Variants in ADAMTSL2 observed in about 807,000 individuals in gnomAD.
ADAMTSL2 encodes the protein ADAMTS like 2.
ADAMTSL2 carries 55 observed loss-of-function variants against 117.0 expected under a neutral mutation model. The observed-to-expected ratio is 0.47, with a 90% CI of 0.38 to 0.59. The LOEUF (loss-of-function observed/expected upper bound fraction) is 0.59, where lower values mean the gene tolerates loss of function less well. Ranked by LOEUF, ADAMTSL2 falls within the 20% of genes least tolerant of loss-of-function variation. ADAMTSL2 has a pLI of 0.00. For missense variants in ADAMTSL2, 1,182 were observed against 1,354.5 expected (o/e 0.87, Z 2.00); for synonymous variants, 572 against 566.4 (o/e 1.01, Z -0.14).
Position 133,534,936 on chromosome 9 carries a change from G to C in ADAMTSL2, c.-151+19G>C, listed in dbSNP as rs755830361. The C allele has an allele frequency of 2.2e-6, 3 of 1,378,056 alleles. No individual in the cohort carries two copies. The highest frequency in any genetic ancestry group is 2.8e-6 in the Non-Finnish European group (3 of 1,061,020). 85.4% of individuals were successfully genotyped at this position (1,378,056 alleles called of 1,614,324 possible). A position where few individuals can be genotyped will look rare whatever the true frequency, so the allele number is the denominator to read the frequency against. ...AAGCCAGGTAGGCCACCTCGTCCCC[G>C]TCCCCCTCACGTTGCAGCGTCCACC... On this transcript the variant is annotated intron_variant, in intron 1 of 18. Transcript: ENST00000651351.
chr9:133,568,151 T>C (rs1831018363), intron 13 of ADAMTSL2, 122 bp from the exon 14 acceptor site: 1 of 1,001,818 alleles, frequency 1.0e-6, no homozygotes, highest in African/African-American at 1.6e-5. Context: ...TAGCTTGTTG[T>C]GTGCGGTTTT....
intron 12 of ADAMTSL2, among the ~76,000 whole-genome samples, chr9:133,563,828 A>AGAGAGAGAGAGGGAGAGAGAGAGAGAGG (rs1205131996): frequency 1.2e-5 from 1 of 85,534 alleles, no homozygotes; most frequent in Admixed American, 1.2e-4. Context: ...GGAGAGAGAG[A>AGAGAGAGAGAGGGAGAGAGAGAGAGAGG]GAGAGAGAGA....
Position 133,574,747 on chromosome 9 carries a change from T to C in ADAMTSL2, c.2739T>C (p.Asp913=). ...CTTCGCTCTGTGTTCCTTCTCCAGA[T>C]GACAGCTGCCAGGACCAGCCAGGCA... ...DLQPCPTEPP[D]DSCQDQPGTN... The change falls in exon 19 of 19, where the codon GAT becomes GAC. Residue 913 remains aspartate (D), a splice_region_variant and synonymous_variant. Transcript: ENST00000651351. 1 of 1,613,248 alleles carries C rather than the reference T, an allele frequency of 6.2e-7. No homozygotes were observed. The highest frequency in any genetic ancestry group is 8.5e-7 in the Non-Finnish European group (1 of 1,179,614).
intron 12 of ADAMTSL2, among the ~76,000 whole-genome samples, chr9:133,566,660 G>T (rs976604077): frequency 2.0e-4 from 30 of 151,770 alleles, no homozygotes; most frequent in Admixed American, 1.9e-3. Flanking sequence ...ACGGGGGCCA[G>T]CTGGAGCAGA....
intron 9 of ADAMTSL2, among the ~76,000 whole-genome samples, chr9:133,550,080 C>T (rs529569386): frequency 6.6e-6 from 1 of 152,356 alleles, no homozygotes; most frequent in Non-Finnish European, 1.5e-5. Context: ...GCACCCACAT[C>T]CGCTTTCTAG....
intron 17 of ADAMTSL2, among the ~76,000 whole-genome samples, chr9:133,571,973 C>T (rs1232581012): frequency 6.6e-6 from 1 of 152,164 alleles, no homozygotes; most frequent in Non-Finnish European, 1.5e-5. Context: ...CCCGAGGGCT[C>T]CAAGTCTTGG....
chr9:133,550,054 C>G (rs931527943), intron 9 of ADAMTSL2, among the ~76,000 whole-genome samples: 1 of 152,260 alleles, frequency 6.6e-6, no homozygotes, highest in African/African-American at 2.4e-5. Flanking sequence ...CCCAAGCTCC[C>G]CCATCCAAGA....
chr9:133,566,889 C>A, intron 12 of ADAMTSL2, 47 bp from the exon 13 acceptor site: 2 of 1,583,132 alleles, frequency 1.3e-6, no homozygotes, highest in Non-Finnish European at 1.7e-6. Context: ...CTGCTGGGCT[C>A]CAAGGTGCCG....
At position 133,569,451 on chromosome 9, in the gene ADAMTSL2, A is replaced by C. The variant is rs1223385091; in HGVS notation, c.2288A>C (p.Tyr763Ser). Residue 763 changes from tyrosine to serine, a missense_variant, in exon 16 of 19, where the codon TAC (tyrosine) becomes TCC (serine). By Grantham distance (144) the Tyr-to-Ser change is moderately radical. Transcript: ENST00000651351. The stretch of plus-strand genomic sequence containing the variant: ...CAAGGCCGCACCATCAGGCACGTGT[A>C]CTGCAAGACCAGCGACGGACGGGTA... ...CGQGRTIRHV[Y>S]CKTSDGRVVP... The C allele has an allele frequency of 6.2e-7, 1 of 1,613,608 alleles. No homozygotes were observed. Among genetic ancestry groups the C allele is most frequent in the African/African-American group, 1.3e-5 (1 of 75,060 alleles).
chr9:133,534,690 G>A (rs553198580), upstream of ADAMTSL2: 137 of 1,350,930 alleles, frequency 1.0e-4, 1 homozygote, highest in African/African-American at 1.9e-3. Flanking sequence ...GGCGGCCGCC[G>A]GCGCAGAGCC....
At position 133,568,400 on chromosome 9, in the gene ADAMTSL2, G is replaced by A; in HGVS notation, c.2002G>A (p.Ala668Thr). 1 of 1,607,746 alleles carries A rather than the reference G, an allele frequency of 6.2e-7. No homozygotes were observed. Among genetic ancestry groups the A allele is most frequent in the Middle Eastern group, 1.7e-4 (1 of 6,044 alleles). Residue 668 changes from alanine to threonine, a missense_variant, in exon 14 of 19, where the codon GCA (alanine) becomes ACA (threonine). By Grantham distance (58) the Ala-to-Thr change is moderately conservative. Around this residue, in one of 3 missense-constraint regions of ADAMTSL2, gnomAD observed 465 missense variants for 565.3 expected, o/e 0.82. Coordinates refer to ENST00000651351, the MANE Select transcript of ADAMTSL2 (RefSeq NM_014694.4). ...CTCCGTGTACAGCGACCTGTGCGAG[G>A]CAGCCGAGGCCGTGCGGCCCGAGGA... is the stretch of plus-strand genomic sequence containing the variant. ...DSSVYSDLCE[A>T]AEAVRPEERK...
intron 1 of ADAMTSL2, among the ~76,000 whole-genome samples, chr9:133,535,934 C>T (rs1276808335): frequency 1.3e-5 from 2 of 152,172 alleles, no homozygotes; most frequent in Non-Finnish European, 1.5e-5. Flanking sequence ...TGTTTTGAGC[C>T]AAGGGTGCTG....
chr9:133,567,538 G>A (rs902633364), intron 13 of ADAMTSL2, among the ~76,000 whole-genome samples: 2 of 152,140 alleles, frequency 1.3e-5, no homozygotes. Flanking sequence ...AGTGACAAGT[G>A]GGGTCCCCAG....
rs1273582034 is a variant in ADAMTSL2 at position 133,566,925 on chromosome 9, C to T, written c.1748-11C>T. The T allele has an allele frequency of 1.2e-6, 2 of 1,602,910 alleles. No individual in the cohort carries two copies. Among genetic ancestry groups the T allele is most frequent in the African/African-American group, 2.7e-5 (2 of 74,760 alleles). ...GCATGGCTCACAGACCCACCCCTGT[C>T]CCCAACCCAGGGGTCATGTCTGCGT... is the stretch of plus-strand genomic sequence containing the variant. On this transcript the variant is annotated splice_polypyrimidine_tract_variant and intron_variant, in intron 12 of 18. Transcript: ENST00000651351.
intron 9 of ADAMTSL2, among the ~76,000 whole-genome samples, chr9:133,553,198 G>A (rs1330747023): frequency 2.6e-5 from 4 of 152,180 alleles, no homozygotes; most frequent in East Asian, 1.9e-4. Flanking sequence ...GGCTTGGGAC[G>A]TTTGAGATGT....
chr9:133,544,619 A>G, intron 8 of ADAMTSL2, 69 bp downstream of exon 8: 1 of 1,354,574 alleles, frequency 7.4e-7, no homozygotes. Flanking sequence ...GTGGCAGAGA[A>G]GGGGCACTTG....
Position 133,557,095 on chromosome 9 carries a change from T to A in ADAMTSL2, c.1649+1165T>A, listed in dbSNP as rs1037624659. 6.6e-6 allele frequency among the ~76,000 whole-genome samples: 1 copy of A among 152,112 alleles called. No homozygotes were observed. The highest frequency in any genetic ancestry group is 1.5e-5 in the Non-Finnish European group (1 of 68,000). On this transcript the variant is annotated intron_variant, in intron 11 of 18. Transcript: ENST00000651351. The surrounding 1 kb of genome is among the most constrained non-coding windows in gnomAD (Gnocchi z 5.2). ...GCTGGGAGTGCTGAGTGGGTCTTCC[T>A]TGGGGCTCAGGGACTGAATTTGATG... is the stretch of plus-strand genomic sequence containing the variant.
In ADAMTSL2 at chr9:133,567,051, G is replaced by A; in HGVS notation, c.1863G>A (p.Glu621=). 1 of 1,608,530 alleles carries A rather than the reference G, an allele frequency of 6.2e-7. No homozygotes were observed. The highest frequency in any genetic ancestry group is 1.1e-5 in the South Asian group (1 of 90,678). The stretch of plus-strand genomic sequence containing the variant: ...TCCACGAGTTCTGCGCTGGGAGGGA[G>A]TGCCAGCCCAGGTACCTGCCACCAG... ...EPVHEFCAGR[E]CQPRWETSSW... is the part of the protein sequence containing the mutation. The change falls in exon 13 of 19, where the codon GAG becomes GAA. Residue 621 remains glutamate (E), a synonymous_variant. Transcript: ENST00000651351.
intron 11 of ADAMTSL2, among the ~76,000 whole-genome samples, 195 bp from the exon 12 acceptor site, chr9:133,561,003 C>T (rs112286218): frequency 0.06 from 9,098 of 152,334 alleles, 375 homozygotes; most frequent in Non-Finnish European, 0.1. Context: ...TGCCCCTCTG[C>T]GGGCGCCTCA....
Sources: allele counts gnomAD v4.1 joint callset (sites outside exome capture counted in the v4.1 genomes callset), GRCh38; gene constraint gnomAD v4.1.1; regional missense constraint gnomAD v4.1.1; non-coding constraint Gnocchi (gnomAD v3.1); transcripts MANE v1.5; gene names NCBI Gene and HGNC (gene_info 2026-07-23, HGNC 2026-07-21).